Variants in FRS2 observed in about 807,000 individuals in gnomAD.
FRS2 encodes FGFR signalling adaptor.
In FRS2, 8 loss-of-function variants were observed where a neutral mutation model predicts 43.9. The observed-to-expected ratio is 0.18, with a 90% CI of 0.11 to 0.33. FRS2 has a LOEUF of 0.33. FRS2 is among the 10% of genes least tolerant of loss of function. The pLI is 1.00. For missense variants in FRS2, 534 were observed against 627.6 expected (o/e 0.85, Z 1.59); for synonymous variants, 219 against 220.3 (o/e 0.99, Z 0.05).
rs530159775 is a variant in FRS2, at chr12:69,575,880, T to C, written c.*925T>C. The stretch of plus-strand genomic sequence containing the variant: ...AATTTAAAATGTTTGAGTTTGTATA[T>C]AGTTTTGAAATTGGATTATGTGTTC... On this transcript the variant is annotated 3_prime_UTR_variant, in exon 9 of 9. Transcript: ENST00000549921. 6.5e-6 allele frequency: 1 copy of C among 152,676 alleles called. No homozygotes were observed. Among genetic ancestry groups the C allele is most frequent in the African/African-American group, 2.4e-5 (1 of 41,468 alleles). The allele number at this position is 152,676 out of a possible 1,614,324, so 9.5% of individuals were successfully genotyped here. A position where few individuals can be genotyped will look rare whatever the true frequency, so the allele number is the denominator to read the frequency against.
In FRS2 at chr12:69,564,091, A is replaced by G. The variant is rs576668401; in HGVS notation, c.-27+1817A>G. ...CACACCGTAGCCCTCTCTATTCTTTATTTTCTCAACCAGTTCTTCAAAGAC... is the reference window on the plus strand; with the variant it reads ...CACACCGTAGCCCTCTCTATTCTTTGTTTTCTCAACCAGTTCTTCAAAGAC... On this transcript the variant is annotated intron_variant, in intron 4 of 8. Transcript: ENST00000549921. Among the ~76,000 whole-genome samples the G allele has an allele frequency of 1.5e-4, 23 of 151,854 alleles. No individual in the cohort carries two copies. The South Asian group carries it at 4.2e-3, about 27-fold the overall frequency.
intron 1 of FRS2, among the ~76,000 whole-genome samples, chr12:69,516,209 A>T (rs1874996557): frequency 1.3e-5 from 2 of 149,632 alleles, no homozygotes; most frequent in Non-Finnish European, 1.5e-5. Context: ...TATTATTATT[A>T]TTATTATTAC....
At chr12:69,473,808 GT>G in intron 1 of FRS2, among the ~76,000 whole-genome samples, 1 of 152,090 alleles carries the variant, frequency 6.6e-6, no homozygotes, top group Non-Finnish European at 1.5e-5. Flanking sequence ...AGGAGGAGGG[GT>G]TTTTGGAGCA....
At position 69,577,665 on chromosome 12, in the gene FRS2, T is replaced by C. The variant is rs140009596; in HGVS notation, c.*2710T>C. 2.0e-5 allele frequency: 3 copies of C among 152,688 alleles called. No individual in the cohort carries two copies. The highest frequency in any genetic ancestry group is 2.9e-5 in the Non-Finnish European group (2 of 68,002). The allele number at this position is 152,688 out of a possible 1,614,324, so 9.5% of individuals were successfully genotyped here. A position where few individuals can be genotyped will look rare whatever the true frequency, so the allele number is the denominator to read the frequency against. ...CCCATGCTAGGGTTGGAAACTGATA[T>C]TGGTATTACTTGTGTTTTTTCTTAG... On this transcript the variant is annotated 3_prime_UTR_variant, in exon 9 of 9. Transcript: ENST00000549921.
chr12:69,543,601 G>C (rs951359205), intron 3 of FRS2, among the ~76,000 whole-genome samples: 7 of 151,416 alleles, frequency 4.6e-5, no homozygotes, highest in African/African-American at 1.7e-4. Context: ...GTAGCATCAT[G>C]GGCTAGTGGG....
Position 69,579,582 on chromosome 12 carries a change from C to T in FRS2, c.*4627C>T, listed in dbSNP as rs910869196. ...TGACTTTGGATTTTGCAATGCCTTACTGTTGTCATTCTAGCATAAATATCC... is the reference window on the plus strand; with the variant it reads ...TGACTTTGGATTTTGCAATGCCTTATTGTTGTCATTCTAGCATAAATATCC... On this transcript the variant is annotated 3_prime_UTR_variant, in exon 9 of 9. Transcript: ENST00000549921. 5.3e-5 allele frequency: 8 copies of T among 152,348 alleles called. No individual in the cohort carries two copies. Among genetic ancestry groups the T allele is most frequent in the Non-Finnish European group, 8.8e-5 (6 of 68,020 alleles). The allele number at this position is 152,348 out of a possible 1,614,324, so 9.4% of individuals were successfully genotyped here. A position where few individuals can be genotyped will look rare whatever the true frequency, so the allele number is the denominator to read the frequency against.
intron 1 of FRS2, among the ~76,000 whole-genome samples, chr12:69,530,175 A>G (rs577344555): frequency 6.8e-6 from 1 of 146,646 alleles, no homozygotes; most frequent in African/African-American, 2.7e-5. Context: ...AATTAATGAT[A>G]ATAATTGCTT....
Position 69,576,474 on chromosome 12 carries a change from A to G in FRS2, c.*1519A>G, listed in dbSNP as rs1881200964. On this transcript the variant is annotated 3_prime_UTR_variant, in exon 9 of 9. Coordinates refer to ENST00000549921, the MANE Select transcript of FRS2 (RefSeq NM_001278356.2). ...AACACTAGAGAATACGAGAGAAGGT[A>G]GAGTGGAAAAGGTTAGGTAACCTTG... 6.6e-6 allele frequency: 1 copy of G among 152,236 alleles called. No individual in the cohort carries two copies. Among genetic ancestry groups the G allele is most frequent in the Non-Finnish European group, 1.5e-5 (1 of 68,038 alleles). The allele number at this position is 152,236 out of a possible 1,614,324, so 9.4% of individuals were successfully genotyped here. A position where few individuals can be genotyped will look rare whatever the true frequency, so the allele number is the denominator to read the frequency against.
At chr12:69,568,380 T>C (rs941961592) in intron 4 of FRS2, among the ~76,000 whole-genome samples, 3 of 152,200 alleles carry the variant, frequency 2.0e-5, no homozygotes, top group Non-Finnish European at 2.9e-5. Flanking sequence ...AAGTTCACCA[T>C]CCCTTTGGTG....
At chr12:69,474,086 C>CT (rs2120589787) in intron 1 of FRS2, among the ~76,000 whole-genome samples, 1 of 152,276 alleles carries the variant, frequency 6.6e-6, no homozygotes, top group Admixed American at 6.5e-5. Flanking sequence ...CGTGATCCGC[C>CT]TGCCTCAGCC....
At chr12:69,528,221 T>A (rs1217929111) in intron 1 of FRS2, among the ~76,000 whole-genome samples, 1 of 152,196 alleles carries the variant, frequency 6.6e-6, no homozygotes, top group Non-Finnish European at 1.5e-5. Context: ...TAGGGGGAGT[T>A]TGTTTATTTA....
intron 1 of FRS2, among the ~76,000 whole-genome samples, chr12:69,498,562 TG>T (rs1873135272): frequency 2.0e-5 from 3 of 151,958 alleles, no homozygotes; most frequent in Middle Eastern, 3.4e-3. Flanking sequence ...TTTGGTTTTT[TG>T]TTTGTTTCGT....
At position 69,485,283 on chromosome 12, in the gene FRS2, C is replaced by T. The variant is rs546616061; in HGVS notation, c.-261+14753C>T. On this transcript the variant is annotated intron_variant, in intron 1 of 8. Coordinates refer to ENST00000549921, the MANE Select transcript of FRS2 (RefSeq NM_001278356.2). ...CTGAAAGCTCCGCTTCCCAGGTTCA[C>T]GCCATTCTCCTGCCTCAGCCTCCCA... is the stretch of plus-strand genomic sequence containing the variant. 5.4e-3 allele frequency among the ~76,000 whole-genome samples: 825 copies of T among 151,466 alleles called. 7 individuals are homozygous for T. Among genetic ancestry groups the T allele is most frequent in the Middle Eastern group, 0.014 (4 of 288 alleles).
intron 1 of FRS2, among the ~76,000 whole-genome samples, chr12:69,472,345 G>A (rs1312915345): frequency 2.0e-5 from 3 of 149,744 alleles, no homozygotes; most frequent in Admixed American, 6.7e-5. Flanking sequence ...CTCCCATCTC[G>A]GCCTTCCAAA....
At chr12:69,570,976 A>G (rs1240236323) in intron 6 of FRS2, among the ~76,000 whole-genome samples, 1 of 152,224 alleles carries the variant, frequency 6.6e-6, no homozygotes, top group Non-Finnish European at 1.5e-5. Flanking sequence ...TCACCTTGGA[A>G]TAGTGAGTTG....
intron 1 of FRS2, among the ~76,000 whole-genome samples, chr12:69,485,082 A>ACAC (rs1871712637): frequency 2.3e-5 from 2 of 85,304 alleles, no homozygotes; most frequent in African/African-American, 1.1e-4. Flanking sequence ...CTCATCTTAA[A>ACAC]ACACACACAC....
At chr12:69,532,866 G>A (rs74101189) in intron 3 of FRS2, among the ~76,000 whole-genome samples, 419 of 152,188 alleles carry the variant, frequency 2.8e-3, no homozygotes, top group African/African-American at 9.4e-3. Context: ...GAATAATCCC[G>A]CCATCCTTTT....
intron 3 of FRS2, among the ~76,000 whole-genome samples, chr12:69,558,613 A>T (rs1281142383): frequency 6.6e-6 from 1 of 152,102 alleles, no homozygotes; most frequent in Non-Finnish European, 1.5e-5. Context: ...ACTCCCATCC[A>T]CCTTTCAGGA....
intron 3 of FRS2, among the ~76,000 whole-genome samples, chr12:69,546,513 C>T (rs1431281210): frequency 6.6e-6 from 1 of 152,168 alleles, no homozygotes; most frequent in Non-Finnish European, 1.5e-5. Context: ...TCACCTTGGC[C>T]TCCCAAAGTG....
Sources: allele counts gnomAD v4.1 joint callset (sites outside exome capture counted in the v4.1 genomes callset), GRCh38; gene constraint gnomAD v4.1.1; transcripts MANE v1.5; gene names NCBI Gene and HGNC (gene_info 2026-07-23, HGNC 2026-07-21).